The following ZFPM2 variants were observed in gnomAD, a reference collection of about 807,000 sequenced individuals.
ZFPM2 encodes the protein zinc finger protein ZFPM2.
A neutral mutation model predicts 98.6 loss-of-function variants in ZFPM2; 20 were observed. The ratio of observed to expected loss-of-function variants is 0.20; its 90% CI spans 0.14 to 0.29. The LOEUF (loss-of-function observed/expected upper bound fraction) is 0.29. ZFPM2 is among the 10% of genes least tolerant of loss of function. The pLI is 1.00. For missense variants in ZFPM2, 1,310 were observed against 1,388.6 expected (o/e 0.94, Z 0.90); for synonymous variants, 518 against 502.7 (o/e 1.03, Z -0.41).
intron 1 of ZFPM2, among the ~76,000 whole-genome samples, chr8:105,328,502 G>A (rs993249910): frequency 1.3e-5 from 2 of 151,736 alleles, no homozygotes; most frequent in Admixed American, 6.6e-5. Flanking sequence ...TTTGTAATCT[G>A]TGTTGTAATT....
At chr8:105,323,810 A>G (rs1325789585) in intron 1 of ZFPM2, among the ~76,000 whole-genome samples, 1 of 151,932 alleles carries the variant, frequency 6.6e-6, no homozygotes, top group Non-Finnish European at 1.5e-5. Context: ...TAAATGAACT[A>G]ACATTTTTAT....
intron 4 of ZFPM2, among the ~76,000 whole-genome samples, chr8:105,594,756 G>T (rs138955614): frequency 4.6e-5 from 7 of 151,914 alleles, no homozygotes; most frequent in Non-Finnish European, 8.8e-5. Flanking sequence ...TTTAATAATG[G>T]CCCTTTTCAG....
At chr8:105,505,290 G>C (rs756342550) in intron 3 of ZFPM2, among the ~76,000 whole-genome samples, 1 of 152,158 alleles carries the variant, frequency 6.6e-6, no homozygotes, top group Non-Finnish European at 1.5e-5. Context: ...AGTACTACTA[G>C]TAGTAATAGT....
chr8:105,636,098 G>A (rs543909474), intron 5 of ZFPM2, among the ~76,000 whole-genome samples: 151 of 152,110 alleles, frequency 9.9e-4, no homozygotes, highest in Non-Finnish European at 1.4e-3. Flanking sequence ...GCCACCCATT[G>A]CATGAGGTCA....
rs377690911 is a variant in ZFPM2, at chr8:105,447,261, C to G, written c.301+2880C>G. ...AGATTCCATGGGTTTAGGTTCAATTCTGGATTTAATACTCACTATCTGGGA... is the reference window on the plus strand; with the variant it reads ...AGATTCCATGGGTTTAGGTTCAATTGTGGATTTAATACTCACTATCTGGGA... On this transcript the variant is annotated intron_variant, in intron 3 of 7. Coordinates refer to ENST00000407775, the MANE Select transcript of ZFPM2 (RefSeq NM_012082.4). 1.6e-3 allele frequency among the ~76,000 whole-genome samples: 240 copies of G among 150,758 alleles called. 3 individuals carry two copies. Among genetic ancestry groups the G allele is most frequent in the African/African-American group, 5.5e-3 (228 of 41,136 alleles).
At position 105,380,615 on chromosome 8, in the gene ZFPM2, A is replaced by T. The variant is rs13270998; in HGVS notation, c.41-38529A>T. Among the ~76,000 whole-genome samples, 26 of 54,082 alleles carry T rather than the reference A, an allele frequency of 4.8e-4. No individual in the cohort carries two copies. In the South Asian group the frequency reaches 0.011, roughly 24 times the overall value. The allele number at this position is 54,082 out of a possible 152,430, so 35.5% of individuals were successfully genotyped here. On this transcript the variant is annotated intron_variant, in intron 1 of 7. Transcript: ENST00000407775. ...GTATATATATATTATATATATATAT[A>T]TTATATATAACATATATATTATATA...
chr8:105,584,194 C>CA (rs530701124), intron 4 of ZFPM2, among the ~76,000 whole-genome samples: 1 of 151,642 alleles, frequency 6.6e-6, no homozygotes, highest in East Asian at 1.9e-4. Context: ...ATGTACTCTG[C>CA]AAAAAAATAA....
intron 3 of ZFPM2, among the ~76,000 whole-genome samples, chr8:105,495,464 T>G (rs187661827): frequency 6.6e-6 from 1 of 152,338 alleles, no homozygotes; most frequent in Non-Finnish European, 1.5e-5. Flanking sequence ...TTGCCATTTT[T>G]TTGTGAATCT....
chr8:105,423,127 T>C (rs1455264802), intron 2 of ZFPM2, among the ~76,000 whole-genome samples: 1 of 152,174 alleles, frequency 6.6e-6, no homozygotes, highest in East Asian at 1.9e-4. Context: ...TGTGATTAAA[T>C]AAGACCCAAA....
chr8:105,372,261 C>A (rs1810638473), intron 1 of ZFPM2, among the ~76,000 whole-genome samples: 1 of 151,874 alleles, frequency 6.6e-6, no homozygotes, highest in African/African-American at 2.4e-5. Context: ...CCAGGATGGT[C>A]TTGATCTGCT....
intron 3 of ZFPM2, among the ~76,000 whole-genome samples, chr8:105,460,577 T>G (rs1812685812): frequency 6.6e-6 from 1 of 152,066 alleles, no homozygotes; most frequent in Non-Finnish European, 1.5e-5. Context: ...GTTGAGGGCT[T>G]GCATTAGACA....
At chr8:105,788,428 G>A (rs916320689) in intron 5 of ZFPM2, among the ~76,000 whole-genome samples, 3 of 152,080 alleles carry the variant, frequency 2.0e-5, no homozygotes, top group African/African-American at 7.2e-5. Flanking sequence ...ACTGATTCAG[G>A]CAAGCCCCAG....
intron 4 of ZFPM2, among the ~76,000 whole-genome samples, chr8:105,596,875 A>G (rs1218461980): frequency 4.0e-5 from 6 of 150,660 alleles, no homozygotes; most frequent in African/African-American, 1.5e-4. Context: ...GATTTTCAGT[A>G]TGTGGCACCC....
intron 3 of ZFPM2, among the ~76,000 whole-genome samples, chr8:105,518,117 A>C (rs1813976092): frequency 6.6e-6 from 1 of 152,284 alleles, no homozygotes; most frequent in South Asian, 2.1e-4. Flanking sequence ...TCTCATAGAC[A>C]CCTTTTTTGA....
chr8:105,570,581 A>G (rs2130719366), intron 4 of ZFPM2, among the ~76,000 whole-genome samples: 1 of 152,326 alleles, frequency 6.6e-6, no homozygotes, highest in South Asian at 2.1e-4. Context: ...GCACAATGGT[A>G]TTGAAATGAA....
intron 5 of ZFPM2, among the ~76,000 whole-genome samples, chr8:105,767,783 G>C (rs1340852908): frequency 6.6e-6 from 1 of 151,772 alleles, no homozygotes; most frequent in East Asian, 1.9e-4. Flanking sequence ...TCTTAAACTT[G>C]GAACAGCTAA....
intron 3 of ZFPM2, among the ~76,000 whole-genome samples, chr8:105,474,032 G>A (rs1175479946): frequency 1.3e-5 from 2 of 152,166 alleles, no homozygotes; most frequent in Non-Finnish European, 2.9e-5. Context: ...TTTTACTACT[G>A]TGGTGGTTTA....
In ZFPM2 at chr8:105,446,585, A is replaced by G. The variant is rs186977920; in HGVS notation, c.301+2204A>G. Among the ~76,000 whole-genome samples the G allele has an allele frequency of 7.2e-5, 11 of 152,256 alleles. No homozygotes were observed. In the East Asian group the frequency reaches 2.1e-3, roughly 29 times the overall value. On this transcript the variant is annotated intron_variant, in intron 3 of 7. Coordinates refer to ENST00000407775, the MANE Select transcript of ZFPM2 (RefSeq NM_012082.4). The stretch of plus-strand genomic sequence containing the variant: ...AATTATGCTGTCATTCAAAATGAAG[A>G]ATTTTCCATTTTCGTTTAAATTTAT...
At chr8:105,551,882 A>C (rs978499012) in intron 3 of ZFPM2, among the ~76,000 whole-genome samples, 1 of 152,164 alleles carries the variant, frequency 6.6e-6, no homozygotes, top group Non-Finnish European at 1.5e-5. Flanking sequence ...TCAAGCTAAC[A>C]CAGGATCTAG....
Sources: allele counts gnomAD v4.1 joint callset (sites outside exome capture counted in the v4.1 genomes callset), GRCh38; gene constraint gnomAD v4.1.1; transcripts MANE v1.5; gene names NCBI Gene and HGNC (gene_info 2026-07-23, HGNC 2026-07-21).